The following MTMR3 variants were observed in gnomAD, a reference collection of about 807,000 sequenced individuals.
MTMR3 encodes the protein phosphatidylinositol-3,5-bisphosphate 3-phosphatase MTMR3.
MTMR3 carries 32 observed loss-of-function variants against 132.4 expected under a neutral mutation model. The ratio of observed to expected loss-of-function variants is 0.24; its 90% CI spans 0.18 to 0.32. The LOEUF is 0.32. Ranked by LOEUF, MTMR3 falls within the 10% of genes least tolerant of loss-of-function variation. The pLI is 1.00. For synonymous variants in MTMR3, 556 were observed against 550.3 expected (o/e 1.01, Z -0.14); for missense variants, 1,216 against 1,489.6 (o/e 0.82, Z 3.02).
rs2067701077 is a variant in MTMR3, at chr22:30,019,839, G to A, written c.2180G>A (p.Ser727Asn). 1 of 1,614,068 alleles carries A rather than the reference G, an allele frequency of 6.2e-7. No individual in the cohort carries two copies. The highest frequency in any genetic ancestry group is 1.7e-5 in the Admixed American group (1 of 60,012). ...GAGGACCCTCTCTTAGAAAAGGAGA[G>A]CAGGAGGAAGACACCTGAGGCCTCA... ...GKEDPLLEKE[S>N]RRKTPEASAI... is the part of the protein sequence containing the mutation. Residue 727 changes from serine (S) to asparagine (N), a missense_variant, in exon 17 of 20, where the codon AGC (serine) becomes AAC (asparagine). This residue lies in a region of MTMR3 where 852 missense variants were observed against 852.0 expected (regional missense o/e 1.00). Coordinates refer to ENST00000401950, the MANE Select transcript of MTMR3 (RefSeq NM_021090.4).
chr22:29,953,548 T>A (rs2066124405), intron 1 of MTMR3, among the ~76,000 whole-genome samples: 1 of 152,186 alleles, frequency 6.6e-6, no homozygotes, highest in Non-Finnish European at 1.5e-5. Flanking sequence ...ACTTAGAGTA[T>A]ATTGTGTTAG....
intron 1 of MTMR3, among the ~76,000 whole-genome samples, chr22:29,897,496 A>C (rs1452838341): frequency 2.6e-5 from 4 of 152,132 alleles, no homozygotes; most frequent in Non-Finnish European, 5.9e-5. Context: ...TCTGTTGCCC[A>C]TACTGATGTG....
At chr22:29,993,181 G>A (rs867267131) in intron 7 of MTMR3, 5 of 152,194 alleles carry the variant, frequency 3.3e-5, no homozygotes, top group Admixed American at 2.0e-4. Context: ...TGTCACCTAC[G>A]AGAGACCACA....
At chr22:29,952,532 T>C (rs1490110775) in intron 1 of MTMR3, among the ~76,000 whole-genome samples, 5 of 152,110 alleles carry the variant, frequency 3.3e-5, no homozygotes, top group African/African-American at 4.8e-5. Flanking sequence ...AAAGTCACAC[T>C]AGGAGCGTTG....
intron 1 of MTMR3, among the ~76,000 whole-genome samples, chr22:29,931,876 C>T (rs891368367): frequency 3.3e-5 from 5 of 149,458 alleles, no homozygotes; most frequent in South Asian, 2.1e-4. Flanking sequence ...AGCAATGTCA[C>T]GGATTTATCA....
intron 7 of MTMR3, chr22:29,998,242 G>C (rs1468550453): frequency 1.3e-5 from 2 of 152,320 alleles, no homozygotes; most frequent in African/African-American, 4.8e-5. Context: ...CATAACTCTT[G>C]ATCAGAATTA....
intron 7 of MTMR3, chr22:29,993,714 C>T (rs1332274946): frequency 2.0e-5 from 3 of 152,142 alleles, no homozygotes; most frequent in African/African-American, 7.2e-5. Flanking sequence ...TTAGGATATT[C>T]CTGAGAGGTA....
intron 1 of MTMR3, among the ~76,000 whole-genome samples, chr22:29,904,694 T>G (rs1348259119): frequency 6.6e-6 from 1 of 152,208 alleles, no homozygotes; most frequent in Non-Finnish European, 1.5e-5. Context: ...CCCCTAAGGA[T>G]CTGTGTTAAG....
chr22:29,891,311 G>A (rs2064794074), intron 1 of MTMR3, among the ~76,000 whole-genome samples: 1 of 113,084 alleles, frequency 8.8e-6, no homozygotes. Context: ...GCGTGTGCGT[G>A]TGTGTATGTA....
intron 5 of MTMR3, chr22:29,987,764 T>G (rs1303110946): frequency 6.6e-6 from 1 of 152,210 alleles, no homozygotes; most frequent in Non-Finnish European, 1.5e-5. Context: ...CCATTCCAGC[T>G]TGTTCAAACC....
At chr22:29,932,785 AAT>A (rs1449427949) in intron 1 of MTMR3, among the ~76,000 whole-genome samples, 4 of 152,174 alleles carry the variant, frequency 2.6e-5, no homozygotes, top group African/African-American at 7.2e-5. Flanking sequence ...TGAAAATAAT[AAT>A]AGTTATAGAA....
At chr22:29,958,499 T>C (rs892313053) in intron 2 of MTMR3, among the ~76,000 whole-genome samples, 1 of 152,204 alleles carries the variant, frequency 6.6e-6, no homozygotes, top group Admixed American at 6.5e-5. Flanking sequence ...ACCTACCTCC[T>C]GTCTCTCAAA....
chr22:30,016,845 T>C, intron 15 of MTMR3, 147 bp downstream of exon 15: 1 of 936,344 alleles, frequency 1.1e-6, no homozygotes, highest in Non-Finnish European at 1.6e-6. Flanking sequence ...CCCATGATTC[T>C]GTCCTGAGGA....
chr22:29,979,377 A>G (rs11703762), intron 5 of MTMR3: 4 of 237,230 alleles, frequency 1.7e-5, no homozygotes, highest in Non-Finnish European at 3.4e-5. Flanking sequence ...CTGTAGTCCC[A>G]GCTACTCAGG....
chr22:30,022,249 G>C, intron 18 of MTMR3, 110 bp downstream of exon 18: 1 of 826,910 alleles, frequency 1.2e-6, no homozygotes, highest in South Asian at 1.6e-5. Flanking sequence ...TCCCAGCACA[G>C]CTAGCCCTGA....
At chr22:30,012,236 T>A in intron 12 of MTMR3, 132 bp from the exon 13 acceptor site, 1 of 896,748 alleles carries the variant, frequency 1.1e-6, no homozygotes, top group Non-Finnish European at 1.7e-6. Flanking sequence ...ACACACAGAT[T>A]TTTTTGTTTT....
intron 14 of MTMR3, chr22:30,015,494 CTCCCTCCCTCCCTCCCTCCT>C (rs1366220745): frequency 1.4e-5 from 2 of 141,310 alleles, no homozygotes; most frequent in East Asian, 2.1e-4. Flanking sequence ...AGTCTCCTCC[CTCCCTCCCTCCCTCCCTCCT>C]TCCCTCCCTC....
intron 6 of MTMR3, 196 bp downstream of exon 6, chr22:29,988,758 TA>T (rs1440457249): frequency 6.0e-6 from 2 of 334,530 alleles, no homozygotes; most frequent in Non-Finnish European, 1.1e-5. Flanking sequence ...TTTTTTTTTT[TA>T]ATTTGGAAAT....
In MTMR3 at chr22:30,027,330, G is replaced by A. The variant is rs2067929948; in HGVS notation, c.*1529G>A. Reference sequence around the variant, plus strand: ...GTAGCAGTTCCCTGACCAAGGGCAAGGTGTGTCTCAGGAAGGTGGTTCTGT... The same window carrying A: ...GTAGCAGTTCCCTGACCAAGGGCAAAGTGTGTCTCAGGAAGGTGGTTCTGT... On this transcript the variant is annotated 3_prime_UTR_variant, in exon 20 of 20. Coordinates refer to ENST00000401950, the MANE Select transcript of MTMR3 (RefSeq NM_021090.4). 6.5e-6 allele frequency: 1 copy of A among 152,884 alleles called. No individual in the cohort carries two copies. 9.5% of individuals were successfully genotyped at this position (152,884 alleles called of 1,614,324 possible).
Sources: gnomAD v4.1 joint callset for allele counts (sites outside exome capture counted in the v4.1 genomes callset) on GRCh38, gnomAD v4.1.1 for gene constraint, gnomAD v4.1.1 regional missense constraint, MANE v1.5 for transcripts, NCBI Gene and HGNC (gene_info 2026-07-23, HGNC 2026-07-21) for gene names.